Variants in MAX observed in about 807,000 individuals in gnomAD.
MAX encodes the protein protein max.
A neutral mutation model predicts 22.3 loss-of-function variants in MAX; 3 were observed. The ratio of observed to expected loss-of-function variants is 0.13; its 90% confidence interval spans 0.06 to 0.35. The LOEUF (loss-of-function observed/expected upper bound fraction) is 0.35, where lower values mean the gene tolerates loss of function less well. MAX is among the 10% of genes least tolerant of loss of function. The pLI, the probability that MAX is intolerant of heterozygous loss-of-function variation, is 1.00. For synonymous variants in MAX, 72 were observed against 77.7 expected (o/e 0.93, Z 0.39); for missense variants, 119 against 209.4 (o/e 0.57, Z 2.66).
At position 65,023,762 on chromosome 14, in the gene MAX, G is replaced by T. The variant is rs2061929111; in HGVS notation, c.172-17478C>A. 1.3e-5 allele frequency among the ~76,000 whole-genome samples: 2 copies of T among 152,212 alleles called. No individual in the cohort carries two copies. The highest frequency in any genetic ancestry group is 4.8e-5 in the African/African-American group (2 of 41,520). ...GTATCTCATTGCTACTCAAAATGTG[G>T]TCCCCAGACCAGGAGCATTGCTATC... On this transcript the variant is annotated intron_variant, in intron 3 of 3. Coordinates refer to the MAX transcript ENST00000341653. The surrounding 1 kb of genome is among the most constrained non-coding windows in gnomAD (Gnocchi z 4.1).
intron 3 of MAX, among the ~76,000 whole-genome samples, chr14:65,052,379 T>C (rs564923580): frequency 6.6e-6 from 1 of 152,356 alleles, no homozygotes; most frequent in Admixed American, 6.5e-5. Flanking sequence ...TGGGCATCTT[T>C]TTTTTAAAAA....
At chr14:65,045,444 C>T (rs1050460858) in intron 3 of MAX, among the ~76,000 whole-genome samples, 3 of 129,074 alleles carry the variant, frequency 2.3e-5, no homozygotes, top group African/African-American at 5.7e-5. Context: ...GAGATGGAGT[C>T]GTGCTCTGTC....
chr14:65,026,980 C>T (rs2061994322), intron 3 of MAX, among the ~76,000 whole-genome samples: 1 of 152,016 alleles, frequency 6.6e-6, no homozygotes, highest in Non-Finnish European at 1.5e-5. Context: ...TCATGATAGG[C>T]CTAGGTGATG....
chr14:65,046,125 C>T (rs1194699093), intron 3 of MAX, among the ~76,000 whole-genome samples: 1 of 152,102 alleles, frequency 6.6e-6, no homozygotes, highest in African/African-American at 2.4e-5. Context: ...TATAGGCATG[C>T]ACCACCACGC....
At chr14:65,061,548 G>A in intron 3 of MAX, 1 of 562,374 alleles carries the variant, frequency 1.8e-6, no homozygotes, top group South Asian at 2.2e-5. Flanking sequence ...CCCACGTGGT[G>A]TGGTTGGTGA....
At chr14:65,038,597 A>C (rs1421078769) in intron 3 of MAX, among the ~76,000 whole-genome samples, 1 of 151,726 alleles carries the variant, frequency 6.6e-6, no homozygotes, top group Non-Finnish European at 1.5e-5. Context: ...ATGCACCTGT[A>C]ATCCCACGTA....
chr14:65,032,572 C>T lies in MAX; in HGVS notation c.172-26288G>A, dbSNP rs755576920. On this transcript the variant is annotated intron_variant, in intron 3 of 3. Coordinates refer to the MAX transcript ENST00000341653. This position sits in a 1 kb window ranked among gnomAD's most constrained non-coding sequence, Gnocchi z 5.0. ...GTTCACTGAGCCTCATTAGCTCTTC[C>T]GTAGAGCTTAATGTGTTTCCCGTTT... 42 of 1,606,324 alleles carry T rather than the reference C, an allele frequency of 2.6e-5. No homozygotes were observed. The highest frequency in any genetic ancestry group is 5.4e-5 in the African/African-American group (4 of 74,654).
At chr14:65,053,436 C>A in intron 3 of MAX, 1 of 1,156,414 alleles carries the variant, frequency 8.6e-7, no homozygotes, top group Non-Finnish European at 1.1e-6. Context: ...AGCCAGATCT[C>A]AAGAGCAGAG....
At chr14:65,090,590 G>A (rs1820018639) in intron 3 of MAX, 1 of 151,326 alleles carries the variant, frequency 6.6e-6, no homozygotes, top group Non-Finnish European at 1.5e-5. Flanking sequence ...CTGCAGCCTG[G>A]ACCTCCCAGA....
chr14:65,055,992 T>C (rs368483972), intron 3 of MAX, among the ~76,000 whole-genome samples: 2 of 152,204 alleles, frequency 1.3e-5, no homozygotes, highest in Admixed American at 6.5e-5. Flanking sequence ...CCAGTTTTTT[T>C]TCCTCCCTCC....
rs1160750476 is a variant in MAX, at chr14:65,076,718, C to T, written c.296-55G>A. 1.4e-5 allele frequency: 23 copies of T among 1,607,278 alleles called. No individual in the cohort carries two copies. Among genetic ancestry groups the T allele is most frequent in the African/African-American group, 1.2e-4 (9 of 74,776 alleles). On this transcript the variant is annotated intron_variant, in intron 4 of 4. Coordinates refer to ENST00000358664, the MANE Select transcript of MAX (RefSeq NM_002382.5). This position sits in a 1 kb window ranked among gnomAD's most constrained non-coding sequence, Gnocchi z 6.6. ...GCCTTCTGGAGACTTGGGGAGTAAC[C>T]GAGTCTCAGACTCAGGGTCCAGCCT...
At chr14:65,071,741 C>CT (rs1331981893), downstream of MAX, among the ~76,000 whole-genome samples, 2 of 152,194 alleles carry the variant, frequency 1.3e-5, no homozygotes, top group Non-Finnish European at 2.9e-5. This position sits in a 1 kb window ranked among gnomAD's most constrained non-coding sequence, Gnocchi z 4.2. Flanking sequence ...CTGAAGCTCC[C>CT]TGGGCTCCTT....
chr14:65,017,652 A>G (rs542269098), intron 3 of MAX, among the ~76,000 whole-genome samples: 11 of 152,218 alleles, frequency 7.2e-5, no homozygotes, highest in Admixed American at 2.6e-4. Flanking sequence ...AATGTTTAAA[A>G]AAAATTTTTT....
intron 2 of MAX, among the ~76,000 whole-genome samples, chr14:65,095,129 A>G (rs746094451): frequency 5.3e-4 from 81 of 152,258 alleles, no homozygotes; most frequent in Middle Eastern, 3.2e-3. Context: ...TAAAAGTCCC[A>G]GTCATTACAG....
At chr14:65,021,046 A>T (rs2061877326) in intron 3 of MAX, among the ~76,000 whole-genome samples, 1 of 152,148 alleles carries the variant, frequency 6.6e-6, no homozygotes, top group Non-Finnish European at 1.5e-5. Flanking sequence ...CCCTCTTTTA[A>T]GAGGTTATAT....
At chr14:65,021,096 T>G (rs2061878444) in intron 3 of MAX, among the ~76,000 whole-genome samples, 1 of 152,194 alleles carries the variant, frequency 6.6e-6, no homozygotes, top group Non-Finnish European at 1.5e-5. Flanking sequence ...GAATTAATAT[T>G]TTGGAACTAG....
rs573411077 is a variant in MAX at position 65,017,607 on chromosome 14, T to C, written c.172-11323A>G. On this transcript the variant is annotated intron_variant, in intron 3 of 3. Coordinates refer to the MAX transcript ENST00000341653. ...AGAGGAGCCTTTAAAGGGCCTTTCA[T>C]TGGAAGCAATCTAAATTAAATATCA... 1.5e-4 allele frequency among the ~76,000 whole-genome samples: 23 copies of C among 152,310 alleles called. 1 individual carries two copies. Among genetic ancestry groups the C allele is most frequent in the African/African-American group, 5.1e-4 (21 of 41,570 alleles).
At position 65,062,367 on chromosome 14, in the gene MAX, T is replaced by C. The variant is rs888362775; in HGVS notation, c.171+31341A>G. On this transcript the variant is annotated intron_variant, in intron 3 of 3. Coordinates refer to the MAX transcript ENST00000341653. The surrounding 1 kb of genome is among the most constrained non-coding windows in gnomAD (Gnocchi z 4.3). ...CTACTAAGGCACTAGCCTCTGTAGC[T>C]GGTGGTGGCAGCGTGGGGTGCCGCC... The C allele has an allele frequency of 1.3e-5, 2 of 152,542 alleles. No individual in the cohort carries two copies. Among genetic ancestry groups the C allele is most frequent in the African/African-American group, 4.8e-5 (2 of 41,472 alleles). 9.4% of individuals were successfully genotyped at this position (152,542 alleles called of 1,614,324 possible). A position where few individuals can be genotyped will look rare whatever the true frequency, so the allele number is the denominator to read the frequency against.
chr14:65,102,295 A>T lies in MAX; in HGVS notation c.36+9T>A. The T allele has an allele frequency of 6.2e-7, 1 of 1,613,662 alleles. No homozygotes were observed. Among genetic ancestry groups the T allele is most frequent in the Non-Finnish European group, 8.5e-7 (1 of 1,179,720 alleles). ...ACCCGCACGGGAAGGAAGAAGCCCC[A>T]GGACTCACGTCGCTCTCCACCTCGA... On this transcript the variant is annotated intron_variant, in intron 1 of 4. Coordinates refer to ENST00000358664, the MANE Select transcript of MAX (RefSeq NM_002382.5).
Sources: allele counts gnomAD v4.1 joint callset (sites outside exome capture counted in the v4.1 genomes callset), GRCh38; gene constraint gnomAD v4.1.1; non-coding constraint Gnocchi (gnomAD v3.1); transcripts MANE v1.5; gene names NCBI Gene and HGNC (gene_info 2026-07-23, HGNC 2026-07-21).